SMAD6: variants seen among roughly 807,000 people sequenced by gnomAD.
The protein encoded by SMAD6 is SMAD family member 6.
In SMAD6, 103 loss-of-function variants were observed where a neutral mutation model predicts 39.4. The observed-to-expected ratio is 2.62, with a 90% confidence interval of 2.23 to 3.08. The LOEUF (loss-of-function observed/expected upper bound fraction) is 3.08, where lower values mean the gene tolerates loss of function less well. SMAD6 is among the 30% of genes most tolerant of loss of function. The pLI is 0.00. For synonymous variants in SMAD6, 445 were observed against 353.3 expected (o/e 1.26, Z -2.91); for missense variants, 1,104 against 742.9 (o/e 1.49, Z -5.65).
chr15:66,781,311 C>T lies in SMAD6; in HGVS notation c.1267C>T (p.Arg423Cys), dbSNP rs752760701. The change falls in exon 4 of 4, where the codon CGC becomes TGC. Residue 423 changes from arginine (R) to cysteine (C), a missense_variant. Coordinates refer to ENST00000288840, the MANE Select transcript of SMAD6 (RefSeq NM_005585.5). ...CCCGACGCTGGACGCGCCCGGCGGC[C>T]GCGCCCTGGTCGTGCGCAAGGTGCC... ...NSPTLDAPGG[R>C]ALVVRKVPPG... 1.0e-5 allele frequency: 16 copies of T among 1,601,022 alleles called. No individual in the cohort carries two copies. In the Admixed American group the frequency reaches 1.3e-4, roughly 13 times the overall value.
chr15:66,708,747 G>T (rs1236178117), intron 1 of SMAD6: 4 of 471,424 alleles, frequency 8.5e-6, no homozygotes, highest in Admixed American at 7.0e-5. Flanking sequence ...AAGTAAGTTA[G>T]TGGTTGCCCA....
chr15:66,748,738 G>C (rs1893949287), intron 3 of SMAD6, among the ~76,000 whole-genome samples: 1 of 152,084 alleles, frequency 6.6e-6, no homozygotes, highest in African/African-American at 2.4e-5. Context: ...CTTCCCTGCT[G>C]TTCCCTAACT....
intron 3 of SMAD6, among the ~76,000 whole-genome samples, chr15:66,733,871 A>G (rs1169391726): frequency 6.6e-6 from 1 of 152,228 alleles, no homozygotes; most frequent in Non-Finnish European, 1.5e-5. Flanking sequence ...TGATGTTCAC[A>G]TAAACTGCAG....
intron 3 of SMAD6, among the ~76,000 whole-genome samples, chr15:66,769,356 A>G (rs1203312043): frequency 6.6e-6 from 1 of 152,192 alleles, no homozygotes; most frequent in East Asian, 1.9e-4. Flanking sequence ...AAAAGTAGGT[A>G]GCTGGTCCTG....
chr15:66,767,516 G>C (rs1014989786), intron 3 of SMAD6, among the ~76,000 whole-genome samples: 1 of 152,196 alleles, frequency 6.6e-6, no homozygotes, highest in Non-Finnish European at 1.5e-5. Context: ...CTTGGGCATG[G>C]ATGCGTCAAG....
chr15:66,768,556 T>C (rs1595797445), intron 3 of SMAD6, among the ~76,000 whole-genome samples: 1 of 152,336 alleles, frequency 6.6e-6, no homozygotes, highest in East Asian at 1.9e-4. Flanking sequence ...TTTTATTTCA[T>C]TTTATTTCGA....
At chr15:66,748,637 A>T (rs59400298) in intron 3 of SMAD6, among the ~76,000 whole-genome samples, 2,794 of 152,264 alleles carry the variant, frequency 0.018, 81 homozygotes, top group African/African-American at 0.062. Context: ...TTGAACTGCC[A>T]CCTGAATCTC....
In SMAD6 at chr15:66,712,688, CAAAAAAAAAAAAA is replaced by C. The variant is rs775687604; in HGVS notation, c.874+975_874+987del. On this transcript the variant is annotated intron_variant, in intron 2 of 3. Transcript: ENST00000288840. ...CGACAGAGTGAGTGAAATTCTGTCT[CAAAAAAAAAAAAA>C]AAAAAAAAAAGAGTAGAGGTTGTGG... Among the ~76,000 whole-genome samples the C allele has an allele frequency of 2.8e-4, 14 of 49,372 alleles. No homozygotes were observed. In the South Asian group the frequency reaches 5.8e-3, roughly 20 times the overall value. 32.4% of individuals were successfully genotyped at this position (49,372 alleles called of 152,430 possible).
Position 66,703,655 on chromosome 15 carries a change from G to A in SMAD6, c.397G>A (p.Asp133Asn). 8.1e-7 allele frequency: 1 copy of A among 1,232,148 alleles called. No individual in the cohort carries two copies. The highest frequency in any genetic ancestry group is 1.0e-6 in the Non-Finnish European group (1 of 986,696). 76.3% of individuals were successfully genotyped at this position (1,232,148 alleles called of 1,614,324 possible). A position where few individuals can be genotyped will look rare whatever the true frequency, so the allele number is the denominator to read the frequency against. The part of the protein sequence containing the change: ...TVTCCLFSER[D>N]AAGAPRDASD... Reference sequence around the variant, plus strand: ...GACCTGCTGTCTCTTTTCGGAGCGGGACGCCGCCGGCGCGCCCCGGGACGC... The same window carrying A: ...GACCTGCTGTCTCTTTTCGGAGCGGAACGCCGCCGGCGCGCCCCGGGACGC... Residue 133 changes from aspartate (D) to asparagine (N), a missense_variant, in exon 1 of 4, where the codon GAC (aspartate) becomes AAC (asparagine). By Grantham distance (23) the Asp-to-Asn change is conservative. Coordinates refer to ENST00000288840, the MANE Select transcript of SMAD6 (RefSeq NM_005585.5).
Position 66,712,496 on chromosome 15 carries a change from T to C in SMAD6, c.874+772T>C, listed in dbSNP as rs541772363. ...GAGGTTGAGATCAGCCTAGCCAACA[T>C]GGTGAAACCCTGTCTCTACTAAAAA... On this transcript the variant is annotated intron_variant, in intron 2 of 3. Transcript: ENST00000288840. Among the ~76,000 whole-genome samples, 10 of 152,174 alleles carry C rather than the reference T, an allele frequency of 6.6e-5. No homozygotes were observed. In the East Asian group the frequency reaches 1.7e-3, roughly 27 times the overall value.
intron 3 of SMAD6, among the ~76,000 whole-genome samples, chr15:66,728,509 C>T (rs545608024): frequency 3.9e-5 from 6 of 152,080 alleles, no homozygotes; most frequent in East Asian, 1.9e-4. Flanking sequence ...CAGGTTCAAG[C>T]GATTCTCCTG....
At chr15:66,720,529 C>G (rs923796735) in intron 3 of SMAD6, among the ~76,000 whole-genome samples, 1 of 152,096 alleles carries the variant, frequency 6.6e-6, no homozygotes, top group Non-Finnish European at 1.5e-5. Context: ...GGGCTGGAGG[C>G]GGCACACTGG....
Position 66,781,126 on chromosome 15 carries a change from C to T in SMAD6, c.1082C>T (p.Pro361Leu). The T allele has an allele frequency of 1.2e-6, 2 of 1,608,914 alleles. No homozygotes were observed. The highest frequency in any genetic ancestry group is 1.7e-6 in the Non-Finnish European group (2 of 1,179,768). ...DQAVSIFYDLPQGSGFCLGQL... is the reference protein window; with the variant it reads ...DQAVSIFYDLLQGSGFCLGQL... ...GCCGTCAGCATCTTCTACGACCTACCTCAGGGCAGCGGCTTCTGCCTGGGC... is the reference window on the plus strand; with the variant it reads ...GCCGTCAGCATCTTCTACGACCTACTTCAGGGCAGCGGCTTCTGCCTGGGC... Residue 361 changes from proline (P) to leucine (L), a missense_variant, in exon 4 of 4, where the codon CCT becomes CTT. Coordinates refer to ENST00000288840, the MANE Select transcript of SMAD6 (RefSeq NM_005585.5).
In SMAD6 at chr15:66,781,957, C is replaced by G. The variant is rs918532553; in HGVS notation, c.*422C>G. 1.5e-5 allele frequency: 6 copies of G among 398,754 alleles called. No individual in the cohort carries two copies. The highest frequency in any genetic ancestry group is 2.7e-5 in the Non-Finnish European group (6 of 226,044). 24.7% of individuals were successfully genotyped at this position (398,754 alleles called of 1,614,324 possible). On this transcript the variant is annotated 3_prime_UTR_variant, in exon 4 of 4. Transcript: ENST00000288840. ...TAATGCCCAGACAAAAAGCTAATAC[C>G]AGTCACTCGATAATAAAGTATTCGC...
Position 66,781,642 on chromosome 15 carries a change from C to T in SMAD6, c.*107C>T. ...CACAGCCCCCACGGACAAAACCCCCCAGATATCATCTACCTAGATTTAATA... is the reference window on the plus strand; with the variant it reads ...CACAGCCCCCACGGACAAAACCCCCTAGATATCATCTACCTAGATTTAATA... On this transcript the variant is annotated 3_prime_UTR_variant, in exon 4 of 4. Coordinates refer to ENST00000288840, the MANE Select transcript of SMAD6 (RefSeq NM_005585.5). The T allele has an allele frequency of 1.6e-6, 1 of 633,028 alleles. No individual in the cohort carries two copies. Among genetic ancestry groups the T allele is most frequent in the Non-Finnish European group, 2.5e-6 (1 of 393,838 alleles). 39.2% of individuals were successfully genotyped at this position (633,028 alleles called of 1,614,324 possible). A position where few individuals can be genotyped will look rare whatever the true frequency, so the allele number is the denominator to read the frequency against.
intron 3 of SMAD6, among the ~76,000 whole-genome samples, chr15:66,775,520 G>A (rs924807613): frequency 1.2e-4 from 18 of 152,138 alleles, no homozygotes; most frequent in African/African-American, 4.1e-4. Flanking sequence ...GAGGCCAGAG[G>A]AGGGAGATGA....
intron 3 of SMAD6, among the ~76,000 whole-genome samples, chr15:66,775,621 C>G (rs137948713): frequency 2.1e-4 from 32 of 152,290 alleles, no homozygotes; most frequent in Non-Finnish European, 4.3e-4. Context: ...TCCTCCTCCC[C>G]CTGGAACCCT....
At chr15:66,719,880 G>T (rs143651392) in intron 3 of SMAD6, among the ~76,000 whole-genome samples, 364 of 152,272 alleles carry the variant, frequency 2.4e-3, no homozygotes, top group Non-Finnish European at 4.0e-3. Context: ...ACAGTGTAGA[G>T]GGGGCAAGTG....
intron 3 of SMAD6, among the ~76,000 whole-genome samples, chr15:66,723,285 A>G (rs1371212178): frequency 1.3e-5 from 2 of 152,234 alleles, no homozygotes; most frequent in Non-Finnish European, 2.9e-5. Flanking sequence ...ATCAGAGGTA[A>G]CAGAGCTTTT....
Sources: gnomAD v4.1 joint callset for allele counts (sites outside exome capture counted in the v4.1 genomes callset) on GRCh38, gnomAD v4.1.1 for gene constraint, MANE v1.5 for transcripts, NCBI Gene and HGNC (gene_info 2026-07-23, HGNC 2026-07-21) for gene names.